The following ADAMTS6 variants were observed in gnomAD, a reference collection of about 807,000 sequenced individuals.
ADAMTS6 encodes the protein ADAM metallopeptidase with thrombospondin type 1 motif 6, also known as A disintegrin and metalloproteinase with thrombospondin motifs 6.
Under a neutral mutation model 144.3 loss-of-function variants are expected in ADAMTS6, and 23 were observed. That is an observed-to-expected ratio of 0.16 (90% CI 0.11 to 0.23). The LOEUF is 0.23. ADAMTS6 is among the 10% of genes least tolerant of loss of function. The pLI is 1.00. For synonymous variants in ADAMTS6, 444 were observed against 457.5 expected, an observed-to-expected ratio of 0.97 and a Z score of 0.38; for missense variants, 999 against 1,379.6, an observed-to-expected ratio of 0.72 and a Z score of 4.37.
At chr5:65,386,850 A>T (rs1430882219) in intron 7 of ADAMTS6, among the ~76,000 whole-genome samples, 4 of 152,096 alleles carry the variant, frequency 2.6e-5, no homozygotes, top group Admixed American at 6.6e-5. Flanking sequence ...GCCTCCCAAA[A>T]TCCTGGGAAT....
chr5:65,474,509 T>G (rs1274520695), intron 1 of ADAMTS6, among the ~76,000 whole-genome samples: 2 of 152,076 alleles, frequency 1.3e-5, no homozygotes, highest in African/African-American at 4.8e-5. Flanking sequence ...CTATAACCCT[T>G]GACTTTACTC....
intron 9 of ADAMTS6, among the ~76,000 whole-genome samples, chr5:65,303,623 T>C (rs1353602459): frequency 1.3e-5 from 2 of 151,824 alleles, no homozygotes; most frequent in African/African-American, 4.8e-5. Flanking sequence ...TATAATACAG[T>C]ATATAATTTA....
At chr5:65,219,875 G>A (rs1757190166) in intron 18 of ADAMTS6, among the ~76,000 whole-genome samples, 1 of 152,190 alleles carries the variant, frequency 6.6e-6, no homozygotes, top group African/African-American at 2.4e-5. Flanking sequence ...AGTAATCGCA[G>A]CTTTTGCCAT....
intron 7 of ADAMTS6, among the ~76,000 whole-genome samples, chr5:65,382,224 T>C (rs1024808879): frequency 3.9e-5 from 6 of 152,232 alleles, no homozygotes; most frequent in African/African-American, 4.8e-5. Flanking sequence ...AAGTAAGGCA[T>C]ATCTGCAGGC....
intron 7 of ADAMTS6, among the ~76,000 whole-genome samples, chr5:65,390,096 TTA>T (rs1194248955): frequency 2.0e-5 from 3 of 152,162 alleles, no homozygotes; most frequent in Admixed American, 2.0e-4. Context: ...AAAAAACTAT[TTA>T]GTTTTATTCA....
chr5:65,210,679 A>G (rs1426283258), intron 20 of ADAMTS6: 3 of 634,944 alleles, frequency 4.7e-6, no homozygotes, highest in Non-Finnish European at 8.9e-6. Flanking sequence ...TGATTCTGAA[A>G]GCAAATAATT....
At chr5:65,176,125 AAG>A (rs1753965267) in intron 22 of ADAMTS6, among the ~76,000 whole-genome samples, 1 of 140,582 alleles carries the variant, frequency 7.1e-6, no homozygotes, top group Non-Finnish European at 1.6e-5. Flanking sequence ...AAGGGAAAAA[AAG>A]GGGGGGGCAG....
intron 7 of ADAMTS6, among the ~76,000 whole-genome samples, chr5:65,432,617 C>T (rs1757082233): frequency 1.3e-5 from 2 of 152,086 alleles, no homozygotes; most frequent in South Asian, 2.1e-4. Flanking sequence ...TTCTCCAATG[C>T]CACCCATTAT....
intron 14 of ADAMTS6, among the ~76,000 whole-genome samples, chr5:65,256,863 C>A (rs548055151): frequency 6.6e-6 from 1 of 151,992 alleles, no homozygotes; most frequent in South Asian, 2.1e-4. Context: ...AGTTCTTCTA[C>A]CCTTATATAA....
intron 9 of ADAMTS6, among the ~76,000 whole-genome samples, chr5:65,322,225 A>C (rs148842735): frequency 6.6e-6 from 1 of 152,080 alleles, no homozygotes; most frequent in African/African-American, 2.4e-5. Flanking sequence ...CCATTGGTCT[A>C]TGTGTCTGTT....
intron 11 of ADAMTS6, among the ~76,000 whole-genome samples, chr5:65,284,731 T>C (rs1318287954): frequency 6.6e-6 from 1 of 152,258 alleles, no homozygotes; most frequent in Non-Finnish European, 1.5e-5. Flanking sequence ...AAGTAAAATA[T>C]AACAATGGTC....
chr5:65,202,135 T>C (rs953759724), intron 20 of ADAMTS6, among the ~76,000 whole-genome samples: 7 of 152,208 alleles, frequency 4.6e-5, no homozygotes, highest in African/African-American at 1.7e-4. Flanking sequence ...TTCCTTCTTC[T>C]GAAGAGCCTC....
chr5:65,160,992 C>T (rs1198623790), intron 24 of ADAMTS6, among the ~76,000 whole-genome samples: 1 of 150,500 alleles, frequency 6.6e-6, no homozygotes. Flanking sequence ...CCGTAACAGA[C>T]CACGTTTGCA....
At chr5:65,399,276 T>C (rs1753717733) in intron 7 of ADAMTS6, among the ~76,000 whole-genome samples, 1 of 152,194 alleles carries the variant, frequency 6.6e-6, no homozygotes, top group Admixed American at 6.5e-5. Context: ...GGACTTCTTG[T>C]AGACAACATA....
In ADAMTS6 at chr5:65,189,574, TG is replaced by T. The variant is rs1158965584; in HGVS notation, c.2706-1355del. Among the ~76,000 whole-genome samples the T allele has an allele frequency of 3.3e-5, 5 of 152,358 alleles. 1 individual carries two copies. The East Asian group carries it at 9.6e-4, about 29-fold the overall frequency. ...CCTCAGCTGTGTTACGTAAATCTTATGTGCTGAAGCCAGCTCAAGTTGAAGT... is the reference window on the plus strand; with the variant it reads ...CCTCAGCTGTGTTACGTAAATCTTATTGCTGAAGCCAGCTCAAGTTGAAGT... On this transcript the variant is annotated intron_variant, in intron 21 of 24. Transcript: ENST00000381055.
chr5:65,156,570 A>T (rs181397458), intron 24 of ADAMTS6, among the ~76,000 whole-genome samples: 1 of 152,360 alleles, frequency 6.6e-6, no homozygotes, highest in East Asian at 1.9e-4. Context: ...CATAATGTGC[A>T]GCAAATAAAT....
chr5:65,236,674 G>C (rs1758698009), intron 15 of ADAMTS6, among the ~76,000 whole-genome samples: 1 of 151,972 alleles, frequency 6.6e-6, no homozygotes, highest in Non-Finnish European at 1.5e-5. Context: ...AAACAAAACA[G>C]TTCTAAGTAA....
intron 11 of ADAMTS6, among the ~76,000 whole-genome samples, chr5:65,283,028 A>G (rs542358269): frequency 6.3e-4 from 96 of 152,218 alleles, no homozygotes; most frequent in Non-Finnish European, 8.7e-4. Context: ...TGGGTCCTTG[A>G]TTCTAAATAT....
intron 24 of ADAMTS6, among the ~76,000 whole-genome samples, chr5:65,156,569 C>T (rs1416082386): frequency 6.6e-6 from 1 of 152,112 alleles, no homozygotes; most frequent in East Asian, 1.9e-4. Context: ...GCATAATGTG[C>T]AGCAAATAAA....
Sources: gnomAD v4.1 joint callset for allele counts (sites outside exome capture counted in the v4.1 genomes callset) on GRCh38, gnomAD v4.1.1 for gene constraint, MANE v1.5 for transcripts, NCBI Gene and HGNC (gene_info 2026-07-23, HGNC 2026-07-21) for gene names.